PTGES2: variants seen among roughly 807,000 people sequenced by gnomAD.
PTGES2 encodes GATE-binding factor 1.
A neutral mutation model predicts 44.5 loss-of-function variants in PTGES2; 35 were observed. The observed-to-expected ratio is 0.79, with a 90% CI of 0.60 to 1.04. The LOEUF (loss-of-function observed/expected upper bound fraction) is 1.04. PTGES2 is among the 50% of genes least tolerant of loss of function. The pLI, the probability that PTGES2 is intolerant of heterozygous loss-of-function variation, is 0.00. For missense variants in PTGES2, 517 were observed against 521.4 expected (o/e 0.99, Z 0.08); for synonymous variants, 221 against 227.5 (o/e 0.97, Z 0.26).
intron 3 of PTGES2, chr9:128,124,251 T>G (rs1834534636): frequency 7.5e-6 from 3 of 400,456 alleles, no homozygotes; most frequent in South Asian, 2.9e-5. Flanking sequence ...GCCTGGCTAA[T>G]TTTTGTATTT....
intron 2 of PTGES2, 35 bp downstream of exon 2, chr9:128,125,209 A>T (rs899317415): frequency 6.5e-7 from 1 of 1,542,636 alleles, no homozygotes; most frequent in African/African-American, 1.4e-5. Flanking sequence ...AACCCAGGAA[A>T]GGAGGAAGGA....
Position 128,127,698 on chromosome 9 carries a change from AC to A in PTGES2, c.19del (p.Val7TrpfsTer96). 1.6e-6 allele frequency: 2 copies of A among 1,283,936 alleles called. No individual in the cohort carries two copies. Among genetic ancestry groups the A allele is most frequent in the Non-Finnish European group, 2.0e-6 (2 of 1,016,446 alleles). The allele number at this position is 1,283,936 out of a possible 1,614,324, so 79.5% of individuals were successfully genotyped here. On this transcript the variant is annotated frameshift_variant, in exon 1 of 7. Coordinates refer to ENST00000338961, the MANE Select transcript of PTGES2 (RefSeq NM_025072.7). LOFTEE classifies it high-confidence loss of function. ...CCCACCAGGCCACAGCGCCCGCACC[AC>A]CCGCGCAGCCGGGTCCATGTTCGCT... The part of the protein sequence containing the change: MDPAAR[V>X]VRALWPGGCA...
At position 128,123,074 on chromosome 9, in the gene PTGES2, A is replaced by G. The variant is rs200219655; in HGVS notation, c.747T>C (p.Asn249=). The G allele has an allele frequency of 7.1e-5, 115 of 1,612,700 alleles. No individual in the cohort carries two copies. The East Asian group carries it at 2.0e-3, about 28-fold the overall frequency. Residue 249 remains asparagine, a synonymous_variant, in exon 5 of 7, where the codon AAT becomes AAC. Coordinates refer to ENST00000338961, the MANE Select transcript of PTGES2 (RefSeq NM_025072.7). The surrounding 1 kb of genome is among the most constrained non-coding windows in gnomAD (Gnocchi z 4.4). ...GAGCCTCGGTGGGCGTGCGGTACAC[A>G]TTGGGGGAGATCAGGTGCACCAGCC... ...DDWLVHLISP[N]VYRTPTEALA... is the part of the protein sequence containing the mutation.
Position 128,121,229 on chromosome 9 carries a change from G to C in PTGES2, c.1050C>G (p.Phe350Leu), listed in dbSNP as rs757949315. Residue 350 changes from phenylalanine (F) to leucine (L), a missense_variant, in exon 7 of 7, where the codon TTC becomes TTG. Phe to Leu is a conservative substitution (Grantham distance 22). Transcript: ENST00000338961. ...TGTGCGTGTGCTGCATCAGGTCATC[G>C]AACGCATCCAGCCCCTCCATCACAC... ...VLRVMEGLDA[F>L]DDLMQHTHIQ... The C allele has an allele frequency of 6.2e-6, 10 of 1,606,090 alleles. No homozygotes were observed. Among genetic ancestry groups the C allele is most frequent in the Non-Finnish European group, 8.5e-6 (10 of 1,176,294 alleles).
chr9:128,122,438 G>A lies in PTGES2; in HGVS notation c.929C>T (p.Ala310Val). 1 of 1,614,190 alleles carries A rather than the reference G, an allele frequency of 6.2e-7. No individual in the cohort carries two copies. Among genetic ancestry groups the A allele is most frequent in the Non-Finnish European group, 8.5e-7 (1 of 1,180,030 alleles). The change falls in exon 6 of 7, where the codon GCT becomes GTT. Residue 310 changes from alanine (A) to valine (V), a missense_variant. Transcript: ENST00000338961. ...QDNVREDLYE[A>V]ADKWVAAVGK... ...CACAGCAGCCACCCACTTGTCAGCA[G>A]CCTCATAGAGGTCCTCGCGCACGTT...
At chr9:128,126,421 C>T (rs1446498074) in intron 1 of PTGES2, among the ~76,000 whole-genome samples, 4 of 152,128 alleles carry the variant, frequency 2.6e-5, no homozygotes, top group African/African-American at 9.7e-5. Flanking sequence ...GTCATCAGTT[C>T]CATAAAGGTA....
In PTGES2 at chr9:128,123,103, C is replaced by A. The variant is rs370390041; in HGVS notation, c.718G>T (p.Asp240Tyr). The change falls in exon 5 of 7, where the codon GAC becomes TAC. Residue 240 changes from aspartate to tyrosine, a missense_variant. By Grantham distance (160) the Asp-to-Tyr change is radical. Coordinates refer to ENST00000338961, the MANE Select transcript of PTGES2 (RefSeq NM_025072.7). This position sits in a 1 kb window ranked among gnomAD's most constrained non-coding sequence, Gnocchi z 4.4. ...GGGGAGATCAGGTGCACCAGCCAGT[C>A]GTCCGCCCACTGCCGCCACTTCATC... ...EEMKWRQWAD[D>Y]WLVHLISPNV... 1 of 1,611,080 alleles carries A rather than the reference C, an allele frequency of 6.2e-7. No homozygotes were observed. The highest frequency in any genetic ancestry group is 1.1e-5 in the South Asian group (1 of 91,054).
rs1564207163 is a variant in PTGES2 at position 128,121,066 on chromosome 9, GCCAGGCGCTGGCCCAGTGGCC to G, written c.*58_*78del. 5 of 1,524,770 alleles carry G rather than the reference GCCAGGCGCTGGCCCAGTGGCC, an allele frequency of 3.3e-6. No homozygotes were observed. The highest frequency in any genetic ancestry group is 4.1e-5 in the Admixed American group (2 of 48,554). 94.5% of individuals were successfully genotyped at this position (1,524,770 alleles called of 1,614,324 possible). A position where few individuals can be genotyped will look rare whatever the true frequency, so the allele number is the denominator to read the frequency against. ...AATGATCCTGCCCCCAACCAGTATC[GCCAGGCGCTGGCCCAGTGGCC>G]CCAGGCCCTGGCAGCTGGCGTCTTC... On this transcript the variant is annotated 3_prime_UTR_variant, in exon 7 of 7. Transcript: ENST00000338961.
At chr9:128,127,766 G>T, upstream of PTGES2, 1 of 1,240,888 alleles carries the variant, frequency 8.1e-7, no homozygotes, top group South Asian at 3.2e-5. Context: ...AAGACGCCGA[G>T]GCACGCGCGG....
At position 128,122,451 on chromosome 9, in the gene PTGES2, C is replaced by A; in HGVS notation, c.916G>T (p.Asp306Tyr). 1 of 1,614,184 alleles carries A rather than the reference C, an allele frequency of 6.2e-7. No homozygotes were observed. The highest frequency in any genetic ancestry group is 1.1e-5 in the South Asian group (1 of 91,090). The part of the protein sequence containing the change: ...RHRLQDNVRE[D>Y]LYEAADKWVA... ...CACTTGTCAGCAGCCTCATAGAGGTCCTCGCGCACGTTGTCCTGGAGGCGG... is the reference window on the plus strand; with the variant it reads ...CACTTGTCAGCAGCCTCATAGAGGTACTCGCGCACGTTGTCCTGGAGGCGG... Residue 306 changes from aspartate (D) to tyrosine (Y), a missense_variant, in exon 6 of 7, where the codon GAC (aspartate) becomes TAC (tyrosine). Asp to Tyr is a radical substitution (Grantham distance 160). Transcript: ENST00000338961.
At position 128,122,927 on chromosome 9, in the gene PTGES2, C is replaced by G; in HGVS notation, c.887+7G>C. On this transcript the variant is annotated splice_region_variant and intron_variant, in intron 5 of 6. Coordinates refer to ENST00000338961, the MANE Select transcript of PTGES2 (RefSeq NM_025072.7). ...ACAGCAGGCCCCGGATGTGCACACA[C>G]ACTTGCCTGCTCTTGAGTCGCTTGC... 6.2e-7 allele frequency: 1 copy of G among 1,613,956 alleles called. No homozygotes were observed. The highest frequency in any genetic ancestry group is 8.5e-7 in the Non-Finnish European group (1 of 1,179,990).
At chr9:128,126,129 G>T (rs1386821195) in intron 1 of PTGES2, among the ~76,000 whole-genome samples, 1 of 152,228 alleles carries the variant, frequency 6.6e-6, no homozygotes, top group Admixed American at 6.5e-5. Context: ...CGTTCATGCC[G>T]GGAAGCCACA....
upstream of PTGES2, chr9:128,127,981 A>C: frequency 4.7e-6 from 2 of 430,054 alleles, no homozygotes; most frequent in Non-Finnish European, 8.3e-6. Flanking sequence ...GACCCGGCCG[A>C]CTGCAGGGGG....
At position 128,121,110 on chromosome 9, in the gene PTGES2, T is replaced by G. The variant is rs1481901451; in HGVS notation, c.*35A>C. 5.8e-6 allele frequency: 9 copies of G among 1,560,366 alleles called. No individual in the cohort carries two copies. Among genetic ancestry groups the G allele is most frequent in the East Asian group, 2.4e-5 (1 of 41,730 alleles). ...GCCCCAGGCCCTGGCAGCTGGCGTC[T>G]TCCGCTGCCTTCCCTCTGCTCTGCG... On this transcript the variant is annotated 3_prime_UTR_variant, in exon 7 of 7. Transcript: ENST00000338961.
At chr9:128,124,143 C>T (rs1834530418) in intron 3 of PTGES2, among the ~76,000 whole-genome samples, 1 of 151,610 alleles carries the variant, frequency 6.6e-6, no homozygotes. Flanking sequence ...AGTGCAGTGG[C>T]ACGATCTTGG....
At chr9:128,125,013 T>C in intron 2 of PTGES2, 1 of 764,494 alleles carries the variant, frequency 1.3e-6, no homozygotes, top group South Asian at 2.0e-5. Flanking sequence ...ATCTATGTTG[T>C]TAAGCTGTGG....
intron 1 of PTGES2, among the ~76,000 whole-genome samples, chr9:128,127,097 T>C (rs1031016530): frequency 1.4e-5 from 2 of 142,330 alleles, no homozygotes; most frequent in African/African-American, 5.3e-5. Context: ...GAGGATCCCT[T>C]CAACCTGGGA....
At chr9:128,124,371 A>T in intron 3 of PTGES2, 121 bp downstream of exon 3, 1 of 850,164 alleles carries the variant, frequency 1.2e-6, no homozygotes, top group Non-Finnish European at 1.9e-6. Context: ...GGTGCGAGCC[A>T]CTCTGTACTC....
In PTGES2 at chr9:128,124,530, AGAG is replaced by A. The variant is rs774032320; in HGVS notation, c.495_497del (p.Ser166del). ...AGGTCTTGAGGGCGCTGATGATGAC[AGAG>A]GAGTCATTTAGTTGTTGCTGGAAGA... On this transcript the variant is annotated inframe_deletion, in exon 3 of 7. Coordinates refer to ENST00000338961, the MANE Select transcript of PTGES2 (RefSeq NM_025072.7). The A allele has an allele frequency of 1.2e-6, 2 of 1,613,662 alleles. No homozygotes were observed. Among genetic ancestry groups the A allele is most frequent in the Admixed American group, 3.3e-5 (2 of 60,004 alleles).
Sources: allele counts gnomAD v4.1 joint callset (sites outside exome capture counted in the v4.1 genomes callset), GRCh38; gene constraint gnomAD v4.1.1; non-coding constraint Gnocchi (gnomAD v3.1); transcripts MANE v1.5; gene names NCBI Gene and HGNC (gene_info 2026-07-23, HGNC 2026-07-21).